NT5DC1: variants seen among roughly 807,000 people sequenced by gnomAD.
NT5DC1 encodes 5'-nucleotidase domain-containing protein 1.
A neutral mutation model predicts 59.4 loss-of-function variants in NT5DC1; 42 were observed. The observed-to-expected ratio is 0.71, with a 90% CI of 0.55 to 0.92. The LOEUF is 0.92. NT5DC1 is among the 40% of genes least tolerant of loss of function. NT5DC1 has a pLI of 0.00. For synonymous variants in NT5DC1, 172 were observed against 188.1 expected (o/e 0.91, Z 0.70); for missense variants, 501 against 537.1 (o/e 0.93, Z 0.66).
chr6:116,191,184 CTAAA>C (rs770432718), intron 6 of NT5DC1, among the ~76,000 whole-genome samples: 39 of 151,726 alleles, frequency 2.6e-4, no homozygotes, highest in Non-Finnish European at 4.9e-4. Context: ...AGTCGATATC[CTAAA>C]TAAAGAAAGA....
intron 6 of NT5DC1, chr6:116,119,175 A>T (rs1005790602): frequency 6.5e-6 from 1 of 152,806 alleles, no homozygotes; most frequent in South Asian, 2.1e-4. Flanking sequence ...CTTCTAGTCG[A>T]ATTTTGAAAC....
intron 6 of NT5DC1, among the ~76,000 whole-genome samples, chr6:116,181,217 AAACTT>A (rs1780865807): frequency 6.6e-6 from 1 of 152,038 alleles, no homozygotes; most frequent in African/African-American, 2.4e-5. Context: ...ATGAAAAACT[AAACTT>A]AGGAATATCA....
At chr6:116,121,978 A>T in intron 6 of NT5DC1, 1 of 1,604,596 alleles carries the variant, frequency 6.2e-7, no homozygotes, top group Non-Finnish European at 8.5e-7. Context: ...GACACACCCA[A>T]CACACCCACC....
At position 116,156,825 on chromosome 6, in the gene NT5DC1, A is replaced by ACGTC. The variant is rs560943453; in HGVS notation, c.529+38882_529+38885dup. Among the ~76,000 whole-genome samples the ACGTC allele has an allele frequency of 4.9e-3, 751 of 152,258 alleles. 11 individuals are homozygous for ACGTC. Among genetic ancestry groups the ACGTC allele is most frequent in the South Asian group, 0.045 (219 of 4,822 alleles). On this transcript the variant is annotated intron_variant, in intron 6 of 11. Transcript: ENST00000319550. ...TCAGATAGCAATAATTTTGTGCTTC[A>ACGTC]CGTCCTCTCCCCAGGCCACCCCACG...
At chr6:116,108,675 A>G (rs977932069) in intron 3 of NT5DC1, among the ~76,000 whole-genome samples, 2 of 152,246 alleles carry the variant, frequency 1.3e-5, no homozygotes, top group Admixed American at 1.3e-4. Flanking sequence ...TGTAGGACAT[A>G]CAATAGAAAG....
chr6:116,109,969 T>A (rs1778841427), intron 3 of NT5DC1, among the ~76,000 whole-genome samples: 1 of 152,204 alleles, frequency 6.6e-6, no homozygotes, highest in Admixed American at 6.5e-5. Flanking sequence ...AGTGGTTCCT[T>A]GAAATCATGG....
At chr6:116,177,430 A>G (rs989803939) in intron 6 of NT5DC1, among the ~76,000 whole-genome samples, 13 of 152,150 alleles carry the variant, frequency 8.5e-5, no homozygotes, top group African/African-American at 3.1e-4. Context: ...AATGGCTTCC[A>G]TCTGTTTCAT....
chr6:116,169,895 A>G (rs1183594845), intron 6 of NT5DC1, among the ~76,000 whole-genome samples: 3 of 152,330 alleles, frequency 2.0e-5, no homozygotes, highest in East Asian at 3.9e-4. Flanking sequence ...TTAGGGCAGA[A>G]GAGGAGTTGA....
In NT5DC1 at chr6:116,120,432, A is replaced by G. The variant is rs1205769692; in HGVS notation, c.529+2487A>G. The G allele has an allele frequency of 1.2e-6, 2 of 1,614,238 alleles. No individual in the cohort carries two copies. Among genetic ancestry groups the G allele is most frequent in the Non-Finnish European group, 1.7e-6 (2 of 1,180,036 alleles). On this transcript the variant is annotated intron_variant, in intron 6 of 11. Coordinates refer to ENST00000319550, the MANE Select transcript of NT5DC1 (RefSeq NM_152729.3). The stretch of plus-strand genomic sequence containing the variant: ...GGTATGGGAGTTCCTATTGCTGGGT[A>G]AGCTTTGGAGAGAATAACAGTAAAA...
intron 6 of NT5DC1, among the ~76,000 whole-genome samples, chr6:116,123,371 G>T (rs1177136902): frequency 6.6e-6 from 1 of 152,160 alleles, no homozygotes; most frequent in Non-Finnish European, 1.5e-5. Context: ...CTGTTTGTAG[G>T]TTGTCATCTG....
chr6:116,173,583 T>G (rs1780664570), intron 6 of NT5DC1, among the ~76,000 whole-genome samples: 1 of 152,170 alleles, frequency 6.6e-6, no homozygotes, highest in African/African-American at 2.4e-5. Flanking sequence ...CCTCAGGGTA[T>G]GAGGAGCTGT....
intron 6 of NT5DC1, among the ~76,000 whole-genome samples, chr6:116,156,960 G>C (rs533351990): frequency 1.6e-4 from 25 of 152,200 alleles, no homozygotes; most frequent in African/African-American, 6.0e-4. Context: ...CTGGCAAGAA[G>C]GCCTGCTGCA....
rs138062709 is a variant in NT5DC1, at chr6:116,185,558, C to T, written c.530-35496C>T. On this transcript the variant is annotated intron_variant, in intron 6 of 11. Coordinates refer to ENST00000319550, the MANE Select transcript of NT5DC1 (RefSeq NM_152729.3). ...AATTTGGGAGCTCTACTGTTGGGTG[C>T]GTATATAGTTAAGATTGTGATGTTT... Among the ~76,000 whole-genome samples the T allele has an allele frequency of 3.4e-3, 519 of 152,064 alleles. 15 individuals carry two copies. The South Asian group carries it at 0.046, about 14-fold the overall frequency.
At chr6:116,166,826 A>G (rs925036604) in intron 6 of NT5DC1, among the ~76,000 whole-genome samples, 2 of 152,220 alleles carry the variant, frequency 1.3e-5, no homozygotes, top group African/African-American at 2.4e-5. Context: ...AGTGGTTTCT[A>G]TTTAAAGACG....
intron 2 of NT5DC1, among the ~76,000 whole-genome samples, chr6:116,107,051 GGT>G (rs1778781680): frequency 6.6e-6 from 1 of 151,576 alleles, no homozygotes; most frequent in Non-Finnish European, 1.5e-5. Flanking sequence ...TAATTAGCCA[GGT>G]GAGGTGGCAC....
chr6:116,166,163 A>G (rs996696289), intron 6 of NT5DC1, among the ~76,000 whole-genome samples: 1 of 152,102 alleles, frequency 6.6e-6, no homozygotes, highest in African/African-American at 2.4e-5. Flanking sequence ...TCGGGAGTCA[A>G]TCTCTGCGAG....
chr6:116,168,571 C>G (rs1350861628), intron 6 of NT5DC1, among the ~76,000 whole-genome samples: 1 of 152,142 alleles, frequency 6.6e-6, no homozygotes, highest in African/African-American at 2.4e-5. Context: ...AGTCTGTCTT[C>G]ATGCCATAGG....
chr6:116,169,620 G>C (rs934446967), intron 6 of NT5DC1, among the ~76,000 whole-genome samples: 36 of 152,224 alleles, frequency 2.4e-4, no homozygotes, highest in African/African-American at 7.5e-4. Flanking sequence ...GTAGCCTGTA[G>C]TACCTGCTAT....
At chr6:116,109,907 T>C (rs1375776685) in intron 3 of NT5DC1, among the ~76,000 whole-genome samples, 1 of 152,194 alleles carries the variant, frequency 6.6e-6, no homozygotes, top group Non-Finnish European at 1.5e-5. Flanking sequence ...ACATTAACAT[T>C]TCAACTACAG....
Sources: allele counts gnomAD v4.1 joint callset (sites outside exome capture counted in the v4.1 genomes callset), GRCh38; gene constraint gnomAD v4.1.1; transcripts MANE v1.5; gene names NCBI Gene and HGNC (gene_info 2026-07-23, HGNC 2026-07-21).